ZC4H2: variants seen among roughly 807,000 people sequenced by gnomAD.
The protein encoded by ZC4H2 is zinc finger C4H2 domain-containing protein.
For synonymous variants in ZC4H2, 84 were observed against 66.3 expected (o/e 1.27, Z -1.30); for missense variants, 137 against 173.9 (o/e 0.79, Z 1.19).
chrX:64,953,924 T>C (rs1178774416), intron 1 of ZC4H2, among the ~76,000 whole-genome samples: 1 of 110,882 alleles, frequency 9.0e-6, no homozygotes, highest in Admixed American at 9.7e-5. Context: ...AAGCCAAATG[T>C]CCAACAATGA....
chrX:65,028,042 T>C (rs1372903751), intron 1 of ZC4H2, among the ~76,000 whole-genome samples: 2 of 111,843 alleles, frequency 1.8e-5, no homozygotes, highest in African/African-American at 3.3e-5. Context: ...TTACTTTCAA[T>C]AGGAAGAAAT....
intron 1 of ZC4H2, among the ~76,000 whole-genome samples, chrX:65,026,695 C>T (rs181010535): frequency 2.8e-5 from 3 of 107,504 alleles, no homozygotes; most frequent in Admixed American, 1.0e-4. Context: ...GGCAACAGAG[C>T]GAGACTCCGT....
At chrX:64,997,654 A>T (rs2147277103) in intron 1 of ZC4H2, among the ~76,000 whole-genome samples, 2 of 112,262 alleles carry the variant, frequency 1.8e-5, no homozygotes, top group African/African-American at 6.5e-5. Context: ...ATTGCCCAGG[A>T]TGGAGTGCAG....
chrX:64,997,925 AT>A, intron 1 of ZC4H2, among the ~76,000 whole-genome samples: 1 of 112,166 alleles, frequency 8.9e-6, no homozygotes, highest in East Asian at 2.8e-4. Context: ...GCCAAGTAGC[AT>A]TTTTTGTAGG....
At chrX:64,970,068 C>T (rs1471072402) in intron 1 of ZC4H2, among the ~76,000 whole-genome samples, 1 of 111,490 alleles carries the variant, frequency 9.0e-6, no homozygotes, top group Non-Finnish European at 1.9e-5. Context: ...GATAGCCCAG[C>T]CCTGATTATG....
chrX:64,947,935 C>G (rs185704402), intron 1 of ZC4H2, among the ~76,000 whole-genome samples: 9 of 109,756 alleles, frequency 8.2e-5, no homozygotes, highest in Non-Finnish European at 1.7e-4. Flanking sequence ...CTGTCTGATT[C>G]ATGAATTGTT....
chrX:65,005,301 G>A (rs1007873421), intron 1 of ZC4H2, among the ~76,000 whole-genome samples: 1 of 111,225 alleles, frequency 9.0e-6, no homozygotes, highest in Non-Finnish European at 1.9e-5. Context: ...GAACAAAGCT[G>A]GAGGCATCAC....
At chrX:64,928,189 T>A (rs919055537) in intron 1 of ZC4H2, among the ~76,000 whole-genome samples, 1 of 112,334 alleles carries the variant, frequency 8.9e-6, no homozygotes, top group Admixed American at 9.4e-5. Flanking sequence ...AGTCATGAAG[T>A]CTTTGCCCAT....
chrX:64,983,240 A>G (rs1033485214), intron 1 of ZC4H2, among the ~76,000 whole-genome samples: 2 of 112,069 alleles, frequency 1.8e-5, no homozygotes, highest in African/African-American at 6.5e-5. Context: ...GAAAATGGAA[A>G]TGATAGTAAT....
intron 1 of ZC4H2, among the ~76,000 whole-genome samples, chrX:65,017,029 C>T (rs898176148): frequency 3.6e-5 from 4 of 111,700 alleles, no homozygotes; most frequent in Non-Finnish European, 5.6e-5. Context: ...TGTTCCCTTC[C>T]GTTTAGAAAG....
chrX:64,922,788 C>A (rs1929265509), intron 1 of ZC4H2, among the ~76,000 whole-genome samples: 1 of 112,108 alleles, frequency 8.9e-6, no homozygotes, highest in South Asian at 3.7e-4. Context: ...CTACTGAGCA[C>A]TTGTGATGTG....
At chrX:64,930,497 C>T (rs1420081544) in intron 1 of ZC4H2, among the ~76,000 whole-genome samples, 4 of 111,669 alleles carry the variant, frequency 3.6e-5, no homozygotes, top group African/African-American at 1.3e-4. Context: ...ATAATGTTGC[C>T]TGTGGGTATG....
At chrX:65,002,580 C>T (rs1230827131) in intron 1 of ZC4H2, among the ~76,000 whole-genome samples, 2 of 111,656 alleles carry the variant, frequency 1.8e-5, no homozygotes, top group Non-Finnish European at 3.8e-5. Context: ...TCATTGAGAA[C>T]GGGCCATGAT....
chrX:64,954,679 A>G (rs1031470515), intron 1 of ZC4H2, among the ~76,000 whole-genome samples: 21 of 108,251 alleles, frequency 1.9e-4, no homozygotes, highest in African/African-American at 6.4e-4. Context: ...TCACTCTTCA[A>G]TACAGGTTTC....
chrX:64,955,177 T>A (rs1391899753), intron 1 of ZC4H2, among the ~76,000 whole-genome samples: 1 of 112,133 alleles, frequency 8.9e-6, no homozygotes, highest in Non-Finnish European at 1.9e-5. Context: ...ACACCCATAT[T>A]CCTGGGAAAA....
chrX:64,961,578 G>A (rs1931391787), intron 1 of ZC4H2, among the ~76,000 whole-genome samples: 1 of 111,078 alleles, frequency 9.0e-6, no homozygotes, highest in South Asian at 3.7e-4. Flanking sequence ...AGGAAATAAT[G>A]AAGAGAGAGC....
chrX:64,968,095 G>A (rs755125028), intron 1 of ZC4H2, among the ~76,000 whole-genome samples: 21 of 89,627 alleles, frequency 2.3e-4, no homozygotes, highest in African/African-American at 8.2e-4. Context: ...GAAAGCAACC[G>A]TCTGTTAAGA....
intron 1 of ZC4H2, among the ~76,000 whole-genome samples, chrX:64,938,540 A>C (rs1338256201): frequency 8.9e-6 from 1 of 112,102 alleles, no homozygotes; most frequent in Non-Finnish European, 1.9e-5. Context: ...TCCTCAATAA[A>C]ATACTGGCAA....
chrX:64,967,708 GAATA>G (rs1482978908), intron 1 of ZC4H2, among the ~76,000 whole-genome samples: 9 of 111,812 alleles, frequency 8.0e-5, no homozygotes, highest in Non-Finnish European at 1.7e-4. Context: ...TTTCAGAGGT[GAATA>G]AATAAAGGTC....
Sources: gnomAD v4.1 joint callset for allele counts (sites outside exome capture counted in the v4.1 genomes callset) on GRCh38, gnomAD v4.1.1 for gene constraint, MANE v1.5 for transcripts, NCBI Gene and HGNC (gene_info 2026-07-23, HGNC 2026-07-21) for gene names.